Variants in CAPS2 observed in about 807,000 individuals in gnomAD.
The protein encoded by CAPS2 is calcyphosine 2, also known as calcyphosin-2.
Under a neutral mutation model 86.5 loss-of-function variants are expected in CAPS2, and 98 were observed. The ratio of observed to expected loss-of-function variants is 1.13; its 90% CI spans 0.96 to 1.34. The LOEUF is 1.34. Ranked by LOEUF, CAPS2 falls within the 40% of genes most tolerant of loss-of-function variation. The pLI, the probability that CAPS2 is intolerant of heterozygous loss-of-function variation, is 0.00. For missense variants in CAPS2, 729 were observed against 686.8 expected (o/e 1.06, Z -0.69); for synonymous variants, 210 against 225.1 (o/e 0.93, Z 0.60).
chr12:75,300,335 T>A (rs185071462), intron 8 of CAPS2, among the ~76,000 whole-genome samples: 3 of 151,972 alleles, frequency 2.0e-5, no homozygotes, highest in Admixed American at 2.0e-4. Context: ...GGCGGGTGGA[T>A]CACGAGGTCA....
intron 1 of CAPS2, among the ~76,000 whole-genome samples, chr12:75,362,544 C>T (rs1167724249): frequency 6.6e-6 from 1 of 152,092 alleles, no homozygotes; most frequent in African/African-American, 2.4e-5. Context: ...TAATGGAATA[C>T]TACTCATGTT....
exon 17 of CAPS2, chr12:75,277,506 T>A (rs1199957514): frequency 2.2e-6 from 2 of 906,596 alleles, no homozygotes; most frequent in African/African-American, 3.6e-5. Flanking sequence ...TTAATTTTAA[T>A]AACCTAATTT....
At chr12:75,319,504 C>A (rs888396174) in intron 5 of CAPS2, among the ~76,000 whole-genome samples, 6 of 152,112 alleles carry the variant, frequency 3.9e-5, no homozygotes, top group Non-Finnish European at 5.9e-5. Context: ...TTAGCAAGTG[C>A]CTAATCTTCA....
At chr12:75,281,308 A>C (rs2033901970) in intron 16 of CAPS2, among the ~76,000 whole-genome samples, 1 of 151,960 alleles carries the variant, frequency 6.6e-6, no homozygotes, top group Non-Finnish European at 1.5e-5. Flanking sequence ...AAAGAGTCAC[A>C]AATAAGCACA....
At chr12:75,291,310 G>C (rs1202164093) in intron 13 of CAPS2, among the ~76,000 whole-genome samples, 2 of 150,790 alleles carry the variant, frequency 1.3e-5, no homozygotes, top group Non-Finnish European at 3.0e-5. Context: ...TAGTACATAA[G>C]ACAAGTATTA....
At chr12:75,286,291 C>G (rs976031935) in intron 14 of CAPS2, among the ~76,000 whole-genome samples, 4 of 151,950 alleles carry the variant, frequency 2.6e-5, no homozygotes, top group Non-Finnish European at 4.4e-5. Context: ...TCATAATGTA[C>G]TGCACATTAT....
intron 7 of CAPS2, among the ~76,000 whole-genome samples, chr12:75,306,597 C>G (rs2038533303): frequency 6.6e-6 from 1 of 152,150 alleles, no homozygotes; most frequent in East Asian, 1.9e-4. Context: ...TTCGTGCTAC[C>G]TTTCTTGGAT....
At chr12:75,308,230 C>T (rs545663966) in intron 7 of CAPS2, among the ~76,000 whole-genome samples, 1 of 152,286 alleles carries the variant, frequency 6.6e-6, no homozygotes, top group African/African-American at 2.4e-5. Flanking sequence ...TGGTCACTTT[C>T]CACAACCAAT....
chr12:75,362,684 C>T (rs972052956), intron 1 of CAPS2, among the ~76,000 whole-genome samples: 7 of 152,014 alleles, frequency 4.6e-5, no homozygotes, highest in Non-Finnish European at 1.0e-4. Flanking sequence ...GCTGTCAAGT[C>T]GTACATCATC....
At chr12:75,316,326 T>C in exon 6 of CAPS2, 1 of 1,550,934 alleles carries the variant, frequency 6.4e-7, no homozygotes, top group Non-Finnish European at 8.7e-7. Context: ...TCCAATTTTC[T>C]TGCCCTCTGT....
chr12:75,323,133 TTG>T (rs1348052201), intron 3 of CAPS2, 42 bp downstream of exon 4: 3 of 1,494,750 alleles, frequency 2.0e-6, no homozygotes, highest in South Asian at 2.4e-5. Context: ...ATGTGTAATA[TTG>T]TGTTTTAATG....
At position 75,352,055 on chromosome 12, in the gene CAPS2, G is replaced by A. The variant is rs183747820; in HGVS notation, c.-394-28833C>T. Among the ~76,000 whole-genome samples the A allele has an allele frequency of 3.9e-5, 6 of 152,232 alleles. 1 individual carries two copies. The highest frequency in any genetic ancestry group is 7.4e-5 in the Non-Finnish European group (5 of 68,014). ...GGTTACCAGTCACTACAAAAAACAT[G>A]CTGAAGTACACAAACCAACAACACT... On this transcript the variant is annotated intron_variant, in intron 1 of 5. Transcript: ENST00000551829.
At chr12:75,363,161 AAGAAG>A (rs2043727684) in intron 1 of CAPS2, 2 of 1,546,706 alleles carry the variant, frequency 1.3e-6, no homozygotes, top group African/African-American at 1.4e-5. Flanking sequence ...CTCTGCTCAA[AAGAAG>A]AGAAATGTGT....
chr12:75,284,158 C>T (rs1447441361), intron 15 of CAPS2, among the ~76,000 whole-genome samples: 1 of 152,114 alleles, frequency 6.6e-6, no homozygotes, highest in Admixed American at 6.6e-5. Context: ...CCAGGAAGGA[C>T]ATGGAAAGTA....
intron 14 of CAPS2, among the ~76,000 whole-genome samples, chr12:75,288,075 G>A (rs1338614910): frequency 6.6e-6 from 1 of 152,232 alleles, no homozygotes; most frequent in Admixed American, 6.5e-5. Flanking sequence ...CTGTGTGAAA[G>A]CAGAGGAAAC....
At chr12:75,293,256 A>G (rs367981257) in exon 12 of CAPS2, 5 of 1,579,104 alleles carry the variant, frequency 3.2e-6, no homozygotes, top group Non-Finnish European at 4.3e-6. Context: ...TACTTGAGAG[A>G]ATCCAAAGCT....
intron 1 of CAPS2, chr12:75,343,872 T>C: frequency 1.2e-6 from 2 of 1,612,480 alleles, no homozygotes; most frequent in Non-Finnish European, 1.7e-6. Flanking sequence ...CGGCTTGGTA[T>C]AATGAAACCC....
chr12:75,362,009 T>C (rs770210912), intron 1 of CAPS2, among the ~76,000 whole-genome samples: 26 of 152,134 alleles, frequency 1.7e-4, no homozygotes, highest in Non-Finnish European at 3.4e-4. Flanking sequence ...AAAACAATGA[T>C]ATATAAATTT....
At chr12:75,317,766 C>A (rs2039915118) in intron 5 of CAPS2, among the ~76,000 whole-genome samples, 1 of 152,018 alleles carries the variant, frequency 6.6e-6, no homozygotes, top group African/African-American at 2.4e-5. Context: ...TTATCACAAT[C>A]AAATTAATTA....
Sources: gnomAD v4.1 joint callset for allele counts (sites outside exome capture counted in the v4.1 genomes callset) on GRCh38, gnomAD v4.1.1 for gene constraint, MANE v1.5 for transcripts, NCBI Gene and HGNC (gene_info 2026-07-23, HGNC 2026-07-21) for gene names.